Variants in LRRC27 observed in about 807,000 individuals in gnomAD.
The protein encoded by LRRC27 is leucine-rich repeat-containing protein 27.
Under a neutral mutation model 55.0 loss-of-function variants are expected in LRRC27, and 57 were observed. The ratio of observed to expected loss-of-function variants is 1.04; its 90% confidence interval spans 0.84 to 1.29. The LOEUF is 1.29. Ranked by LOEUF, LRRC27 falls within the 50% of genes most tolerant of loss-of-function variation. LRRC27 has a pLI of 0.00. For missense variants in LRRC27, 721 were observed against 651.5 expected (o/e 1.11, Z -1.16); for synonymous variants, 278 against 251.9 (o/e 1.10, Z -0.98).
rs2069365536 is a variant in LRRC27, at chr10:132,378,416, T to C, written c.*3174T>C. 6.6e-6 allele frequency: 1 copy of C among 152,136 alleles called. No homozygotes were observed. Among genetic ancestry groups the C allele is most frequent in the African/African-American group, 2.4e-5 (1 of 41,430 alleles). The allele number at this position is 152,136 out of a possible 1,614,324, so 9.4% of individuals were successfully genotyped here. A position where few individuals can be genotyped will look rare whatever the true frequency, so the allele number is the denominator to read the frequency against. ...AGCCATTTTTTTTTTTTTTACTATT[T>C]TTTCCCCTGTTCTCCCTCTTCTCCC... On this transcript the variant is annotated 3_prime_UTR_variant, in exon 11 of 11. Transcript: ENST00000368614.
At chr10:132,364,406 T>C (rs2068835754) in intron 9 of LRRC27, among the ~76,000 whole-genome samples, 4 of 33,378 alleles carry the variant, frequency 1.2e-4, no homozygotes, top group South Asian at 9.3e-4. Flanking sequence ...TACATCTACC[T>C]CCACACCCGC....
At chr10:132,365,230 G>A (rs529491061) in intron 9 of LRRC27, among the ~76,000 whole-genome samples, 194 bp from the exon 10 acceptor site, 16 of 152,346 alleles carry the variant, frequency 1.1e-4, no homozygotes, top group South Asian at 2.1e-4. Context: ...GCCCCCCGGC[G>A]TGAGTCTGGA....
chr10:132,353,659 A>G (rs907088833), intron 7 of LRRC27, among the ~76,000 whole-genome samples: 1 of 152,212 alleles, frequency 6.6e-6, no homozygotes, highest in Admixed American at 6.5e-5. Context: ...GGGCTGCACC[A>G]GAAAGCCCAT....
chr10:132,333,927 A>G (rs960485163), intron 2 of LRRC27, among the ~76,000 whole-genome samples, 193 bp downstream of exon 2: 1 of 152,248 alleles, frequency 6.6e-6, no homozygotes, highest in African/African-American at 2.4e-5. Context: ...ATGGGGACCA[A>G]CCAATGGAAA....
At position 132,333,600 on chromosome 10, in the gene LRRC27, A is replaced by C; in HGVS notation, c.76A>C (p.Ser26Arg). The change falls in exon 2 of 11, where the codon AGC (serine) becomes CGC (arginine). Residue 26 changes from serine (S) to arginine (R), a missense_variant. Ser to Arg is a moderately radical substitution (Grantham distance 110, BLOSUM62 -1). Coordinates refer to ENST00000368614, the MANE Select transcript of LRRC27 (RefSeq NM_030626.3). ...GGAGGAGGGTGCTGGTCAGACTAGGAGCTTGCCTGCCACCCCCTCCAAAGA... is the reference window on the plus strand; with the variant it reads ...GGAGGAGGGTGCTGGTCAGACTAGGCGCTTGCCTGCCACCCCCTCCAAAGA... ...DLEEGAGQTR[S>R]LPATPSKDVH... 6.2e-7 allele frequency: 1 copy of C among 1,612,630 alleles called. No homozygotes were observed. Among genetic ancestry groups the C allele is most frequent in the South Asian group, 1.1e-5 (1 of 90,996 alleles).
intron 4 of LRRC27, 22 bp from the exon 5 acceptor site, chr10:132,344,476 G>T: frequency 6.4e-7 from 1 of 1,570,650 alleles, no homozygotes; most frequent in Non-Finnish European, 8.7e-7. Flanking sequence ...AATGCTGACA[G>T]TTTTTTTTTC....
upstream of LRRC27, chr10:132,331,662 T>C (rs13882): frequency 0.37 from 601,488 of 1,612,370 alleles, 114,313 homozygotes; most frequent in Non-Finnish European, 0.39. Context: ...TCAGCAGCAA[T>C]TCTTTTCTGC....
intron 9 of LRRC27, 99 bp from the exon 10 acceptor site, chr10:132,365,325 G>T: frequency 6.6e-7 from 1 of 1,511,974 alleles, no homozygotes; most frequent in South Asian, 1.1e-5. Flanking sequence ...TGTTTGGTCT[G>T]GGAAGAAAGG....
intron 5 of LRRC27, among the ~76,000 whole-genome samples, chr10:132,347,782 C>G (rs974688643): frequency 1.3e-5 from 2 of 152,166 alleles, no homozygotes; most frequent in Non-Finnish European, 2.9e-5. Context: ...CCATGTGGAA[C>G]TGCTTTGTGT....
chr10:132,363,331 G>T (rs984428453), intron 9 of LRRC27, among the ~76,000 whole-genome samples: 1 of 152,180 alleles, frequency 6.6e-6, no homozygotes, highest in African/African-American at 2.4e-5. Context: ...GATTTTCTGC[G>T]TTCACAGCTT....
At chr10:132,364,836 G>GCTTACATCTACCTCCACA (rs1590722964) in intron 9 of LRRC27, among the ~76,000 whole-genome samples, 1 of 5,994 alleles carries the variant, frequency 1.7e-4, no homozygotes, top group African/African-American at 3.7e-4. Flanking sequence ...CTACCTCCAC[G>GCTTACATCTACCTCCACA]CCCACACCCT....
At chr10:132,355,140 A>G (rs890555053) in intron 7 of LRRC27, among the ~76,000 whole-genome samples, 1 of 152,124 alleles carries the variant, frequency 6.6e-6, no homozygotes, top group African/African-American at 2.4e-5. Flanking sequence ...CAGTGGCTCA[A>G]TCTTGGCTCA....
intron 9 of LRRC27, among the ~76,000 whole-genome samples, chr10:132,362,339 C>G (rs2068660732): frequency 6.6e-6 from 1 of 152,040 alleles, no homozygotes; most frequent in African/African-American, 2.4e-5. Context: ...TAACCTGGGA[C>G]CAACGTGAGG....
intron 6 of LRRC27, chr10:132,349,105 C>G: frequency 7.9e-7 from 1 of 1,272,926 alleles, no homozygotes; most frequent in South Asian, 1.3e-5. Context: ...GGTGTGTGTG[C>G]CTGTGTGTGT....
chr10:132,356,978 C>T (rs1041703259), intron 8 of LRRC27, among the ~76,000 whole-genome samples: 1 of 152,284 alleles, frequency 6.6e-6, no homozygotes, highest in Non-Finnish European at 1.5e-5. Flanking sequence ...AAGGGCTTCA[C>T]CCTACAGCAG....
intron 9 of LRRC27, among the ~76,000 whole-genome samples, chr10:132,363,510 G>A (rs780485632): frequency 1.3e-5 from 2 of 152,044 alleles, no homozygotes; most frequent in African/African-American, 2.4e-5. Flanking sequence ...CCCCTCCCTC[G>A]CACCTCCCAG....
chr10:132,351,801 G>A lies in LRRC27; in HGVS notation c.1073+48G>A, dbSNP rs200609270. 835 of 1,558,760 alleles carry A rather than the reference G, an allele frequency of 5.4e-4. 1 individual carries two copies. In the East Asian group the frequency reaches 0.012, roughly 22 times the overall value. ...TCCGCACAGCCCGCCCAGTGCACCCGGAACTGGGACTGGGCTGTGATTTTA... is the reference window on the plus strand; with the variant it reads ...TCCGCACAGCCCGCCCAGTGCACCCAGAACTGGGACTGGGCTGTGATTTTA... On this transcript the variant is annotated intron_variant, in intron 7 of 10. Transcript: ENST00000368614.
Position 132,375,268 on chromosome 10 carries a change from C to T in LRRC27, c.*26C>T, listed in dbSNP as rs1489256438. The T allele has an allele frequency of 9.4e-6, 15 of 1,593,570 alleles. No individual in the cohort carries two copies. Among genetic ancestry groups the T allele is most frequent in the Admixed American group, 3.4e-5 (2 of 58,166 alleles). On this transcript the variant is annotated 3_prime_UTR_variant, in exon 11 of 11. Coordinates refer to ENST00000368614, the MANE Select transcript of LRRC27 (RefSeq NM_030626.3). ...CACCAGGTGGCTGGACTGATGGAGA[C>T]GTCTTCAGACAGGAGCCGCTCAGTC...
chr10:132,349,190 G>A (rs2067881685), intron 6 of LRRC27: 9 of 696,718 alleles, frequency 1.3e-5, no homozygotes, highest in African/African-American at 1.8e-5. Context: ...GGGGCACATT[G>A]TCATAGCCGA....
Sources: gnomAD v4.1 joint callset for allele counts (sites outside exome capture counted in the v4.1 genomes callset) on GRCh38, gnomAD v4.1.1 for gene constraint, MANE v1.5 for transcripts, NCBI Gene and HGNC (gene_info 2026-07-23, HGNC 2026-07-21) for gene names.